LOC400499: variants seen among roughly 807,000 people sequenced by gnomAD.
chr16:11,490,751 T>G, the LOC400499 span, among the ~76,000 whole-genome samples: 1 of 152,206 alleles, frequency 6.6e-6, no homozygotes. Flanking sequence ...AAGTAGAACA[T>G]GATCCTGAGA....
At chr16:11,446,346 C>A in the LOC400499 span, among the ~76,000 whole-genome samples, 8 of 151,810 alleles carry the variant, frequency 5.3e-5, no homozygotes, top group Non-Finnish European at 1.2e-4. Flanking sequence ...TTTGTAGAAA[C>A]AGGGTTTCCA....
chr16:11,417,458 C>A, the LOC400499 span, among the ~76,000 whole-genome samples: 4 of 148,798 alleles, frequency 2.7e-5, no homozygotes, highest in Admixed American at 6.6e-5. Context: ...AACTAATCCA[C>A]CTGCCTTGGG....
the LOC400499 span, chr16:11,396,629 A>T: frequency 8.1e-7 from 1 of 1,232,050 alleles, no homozygotes; most frequent in Admixed American, 4.2e-5. Flanking sequence ...GGAACGCAGC[A>T]GGAGTCCACC....
the LOC400499 span, among the ~76,000 whole-genome samples, chr16:11,447,484 G>A: frequency 6.7e-3 from 1,023 of 152,222 alleles, 15 homozygotes; most frequent in African/African-American, 0.023. Context: ...AAACACGAAC[G>A]AACACTCTGC....
the LOC400499 span, chr16:11,516,334 C>T: frequency 1.0e-5 from 4 of 399,070 alleles, no homozygotes; most frequent in African/African-American, 2.1e-5. Flanking sequence ...AGGGGTCAAG[C>T]GGGACCCTCC....
At chr16:11,405,139 G>A in the LOC400499 span, among the ~76,000 whole-genome samples, 1 of 152,158 alleles carries the variant, frequency 6.6e-6, no homozygotes, top group Non-Finnish European at 1.5e-5. Flanking sequence ...GTGTGGCTCT[G>A]GGCATTTTTC....
chr16:11,421,927 T>C, the LOC400499 span, among the ~76,000 whole-genome samples: 1 of 152,216 alleles, frequency 6.6e-6, no homozygotes. Context: ...TTTTACATTA[T>C]TACACATATT....
the LOC400499 span, among the ~76,000 whole-genome samples, chr16:11,466,412 G>A: frequency 6.6e-6 from 1 of 151,356 alleles, no homozygotes; most frequent in Non-Finnish European, 1.5e-5. Context: ...TTTTGAGATG[G>A]AGTCTCGCTC....
At chr16:11,382,078 A>C in the LOC400499 span, among the ~76,000 whole-genome samples, 1 of 152,106 alleles carries the variant, frequency 6.6e-6, no homozygotes, top group Non-Finnish European at 1.5e-5. Context: ...CTGGGATTAC[A>C]GGAGCCCGCC....
At chr16:11,447,924 G>T in the LOC400499 span, 1 of 1,533,316 alleles carries the variant, frequency 6.5e-7, no homozygotes, top group South Asian at 1.2e-5. Context: ...AGCAGAAGGG[G>T]CGCACATACC....
the LOC400499 span, among the ~76,000 whole-genome samples, chr16:11,439,146 G>T: frequency 6.6e-6 from 1 of 152,068 alleles, no homozygotes; most frequent in Non-Finnish European, 1.5e-5. Context: ...AAATGCCCCG[G>T]GTCAACAAAG....
chr16:11,518,441 G>C, the LOC400499 span, among the ~76,000 whole-genome samples: 2 of 152,038 alleles, frequency 1.3e-5, no homozygotes, highest in Non-Finnish European at 2.9e-5. Flanking sequence ...GAGAGGATGG[G>C]GTCTCGGCAG....
the LOC400499 span, among the ~76,000 whole-genome samples, chr16:11,389,764 G>A: frequency 6.6e-6 from 1 of 151,286 alleles, no homozygotes; most frequent in South Asian, 2.1e-4. Flanking sequence ...TGCTTAAGAT[G>A]CGACTCTCAG....
the LOC400499 span, among the ~76,000 whole-genome samples, chr16:11,396,152 G>A: frequency 6.6e-6 from 1 of 152,230 alleles, no homozygotes; most frequent in Admixed American, 6.5e-5. Flanking sequence ...ATGGGAGATA[G>A]GGCCAGTACA....
chr16:11,518,825 G>T, the LOC400499 span: 31 of 398,934 alleles, frequency 7.8e-5, 1 homozygote, highest in Middle Eastern at 6.2e-4. Context: ...CCCGACAGCT[G>T]TTGAAAGACG....
At chr16:11,484,879 C>G in the LOC400499 span, 1 of 399,012 alleles carries the variant, frequency 2.5e-6, no homozygotes, top group Non-Finnish European at 4.4e-6. Context: ...CCTCCCTTAC[C>G]TTCTGCTGTA....
the LOC400499 span, among the ~76,000 whole-genome samples, chr16:11,453,818 G>GA: frequency 1.3e-5 from 2 of 151,146 alleles, no homozygotes; most frequent in Admixed American, 1.3e-4. Flanking sequence ...AAAAGAAAAA[G>GA]AAAAAAAGAA....
the LOC400499 span, chr16:11,515,870 AGCCC>A: frequency 1.4e-4 from 2 of 14,414 alleles, no homozygotes; most frequent in Non-Finnish European, 1.8e-4. Context: ...AGCCCAGCCC[AGCCC>A]AGCCCAGCCC....
the LOC400499 span, among the ~76,000 whole-genome samples, chr16:11,408,595 T>C: frequency 6.6e-6 from 1 of 151,974 alleles, no homozygotes; most frequent in East Asian, 1.9e-4. Flanking sequence ...GCCTCCCTGG[T>C]AGCTGAGATA....
Sources: allele counts gnomAD v4.1 joint callset (sites outside exome capture counted in the v4.1 genomes callset), GRCh38; gene constraint gnomAD v4.1.1; transcripts MANE v1.5.